The following CSMD1 variants were observed in gnomAD, a reference collection of about 807,000 sequenced individuals.
CSMD1 encodes CUB and sushi domain-containing protein 1.
A neutral mutation model predicts 417.5 loss-of-function variants in CSMD1; 213 were observed. The ratio of observed to expected loss-of-function variants is 0.51; its 90% CI spans 0.46 to 0.57. The LOEUF is 0.57. CSMD1 is among the 20% of genes least tolerant of loss of function. The pLI is 0.00. For missense variants in CSMD1, 6,923 were observed against 4,529.7 expected, an observed-to-expected ratio of 1.53 and a Z score of -15.17; for synonymous variants, 2,862 against 1,736.8, an observed-to-expected ratio of 1.65 and a Z score of -16.11.
intron 2 of CSMD1, among the ~76,000 whole-genome samples, chr8:4,561,723 A>T (rs1409863050): frequency 6.6e-6 from 1 of 152,194 alleles, no homozygotes; most frequent in South Asian, 2.1e-4. Context: ...AAAGTAAAAG[A>T]AAAAGAGAAC....
chr8:3,450,616 C>T (rs543605142), intron 12 of CSMD1, among the ~76,000 whole-genome samples: 37 of 151,900 alleles, frequency 2.4e-4, no homozygotes, highest in Non-Finnish European at 4.1e-4. Context: ...TTTCCAGCTT[C>T]ATCCATGTCC....
At chr8:4,011,642 T>C (rs542939897) in intron 4 of CSMD1, among the ~76,000 whole-genome samples, 1 of 152,206 alleles carries the variant, frequency 6.6e-6, no homozygotes, top group Non-Finnish European at 1.5e-5. Flanking sequence ...CATCCTTGAA[T>C]TCTTTTCATT....
chr8:4,259,257 A>G (rs1803704873), intron 3 of CSMD1, among the ~76,000 whole-genome samples: 1 of 152,156 alleles, frequency 6.6e-6, no homozygotes, highest in Admixed American at 6.5e-5. Context: ...CTTTTCCTAA[A>G]CAAGCAACCC....
intron 2 of CSMD1, among the ~76,000 whole-genome samples, chr8:4,442,311 C>T (rs1798530988): frequency 6.6e-6 from 1 of 152,056 alleles, no homozygotes; most frequent in African/African-American, 2.4e-5. Context: ...AAGAAATGAA[C>T]ACAAAGTATA....
At chr8:4,536,103 C>A (rs1254706188) in intron 2 of CSMD1, among the ~76,000 whole-genome samples, 2 of 152,124 alleles carry the variant, frequency 1.3e-5, no homozygotes, top group African/African-American at 4.8e-5. Flanking sequence ...ATCTGATTAC[C>A]ATGTTCAAGA....
chr8:3,439,311 T>TATATATATATATATA (rs1563390619), intron 12 of CSMD1, among the ~76,000 whole-genome samples: 12 of 36,294 alleles, frequency 3.3e-4, no homozygotes, highest in South Asian at 3.2e-3. Flanking sequence ...ATATATATAT[T>TATATATATATATATA]TTTTTTTTTA....
At chr8:3,108,313 A>T (rs1306612641) in intron 44 of CSMD1, among the ~76,000 whole-genome samples, 1 of 152,202 alleles carries the variant, frequency 6.6e-6, no homozygotes, top group African/African-American at 2.4e-5. Context: ...TGAGACAGGG[A>T]TGAGTAAATC....
chr8:4,372,451 C>T (rs1171512147), intron 3 of CSMD1, among the ~76,000 whole-genome samples: 6 of 151,566 alleles, frequency 4.0e-5, no homozygotes, highest in Non-Finnish European at 5.9e-5. Flanking sequence ...TTAGTGAACT[C>T]AATTCAAGGG....
At chr8:4,325,461 C>T (rs566591694) in intron 3 of CSMD1, among the ~76,000 whole-genome samples, 1 of 152,260 alleles carries the variant, frequency 6.6e-6, no homozygotes, top group African/African-American at 2.4e-5. Flanking sequence ...ATGTAAGAAT[C>T]GTCTACTTTC....
intron 6 of CSMD1, among the ~76,000 whole-genome samples, chr8:3,731,009 T>C (rs2407038): frequency 5.9e-5 from 9 of 152,148 alleles, no homozygotes; most frequent in South Asian, 2.1e-4. Flanking sequence ...TAAAAGTGAA[T>C]TGAACCTACA....
At chr8:4,140,930 T>A (rs1803751580) in intron 3 of CSMD1, among the ~76,000 whole-genome samples, 1 of 151,112 alleles carries the variant, frequency 6.6e-6, no homozygotes, top group Non-Finnish European at 1.5e-5. Context: ...AACAAAAACT[T>A]CAACACCAAC....
At chr8:4,083,986 C>G (rs867792932) in intron 3 of CSMD1, among the ~76,000 whole-genome samples, 1 of 151,904 alleles carries the variant, frequency 6.6e-6, no homozygotes. Flanking sequence ...TGAACTCAAA[C>G]AAATTTACAA....
chr8:3,914,619 T>C (rs1808689496), intron 5 of CSMD1, among the ~76,000 whole-genome samples: 1 of 152,206 alleles, frequency 6.6e-6, no homozygotes, highest in Non-Finnish European at 1.5e-5. Flanking sequence ...TAGCATTAAA[T>C]GAAACTCTTT....
intron 37 of CSMD1, among the ~76,000 whole-genome samples, chr8:3,165,596 T>G (rs2129041649): frequency 6.6e-6 from 1 of 152,122 alleles, no homozygotes; most frequent in Non-Finnish European, 1.5e-5. Context: ...CACGCCCGGC[T>G]AATTTTTTTA....
At chr8:3,787,409 G>A (rs932460779) in intron 5 of CSMD1, among the ~76,000 whole-genome samples, 1 of 151,940 alleles carries the variant, frequency 6.6e-6, no homozygotes, top group Non-Finnish European at 1.5e-5. Flanking sequence ...CCTGTTTTGT[G>A]GGAAATTCAT....
chr8:2,949,479 T>C (rs1340726460), intron 67 of CSMD1, 93 bp from the exon 68 acceptor site: 2 of 601,280 alleles, frequency 3.3e-6, no homozygotes, highest in African/African-American at 3.8e-5. Context: ...ACAACTGTTA[T>C]ATCTCATATT....
intron 65 of CSMD1, among the ~76,000 whole-genome samples, chr8:2,953,967 G>A (rs1360225838): frequency 2.0e-5 from 3 of 152,260 alleles, no homozygotes; most frequent in Non-Finnish European, 2.9e-5. Context: ...AAATGCCGAA[G>A]GCAAGTTTGA....
At chr8:3,820,108 A>G (rs1280144713) in intron 5 of CSMD1, among the ~76,000 whole-genome samples, 1 of 152,190 alleles carries the variant, frequency 6.6e-6, no homozygotes, top group Non-Finnish European at 1.5e-5. Flanking sequence ...GGACAGATGC[A>G]CTGCTTGAAT....
chr8:3,251,203 C>T (rs533171324), intron 26 of CSMD1, among the ~76,000 whole-genome samples: 2 of 152,122 alleles, frequency 1.3e-5, no homozygotes, highest in Non-Finnish European at 2.9e-5. Flanking sequence ...TTAGGTCTAA[C>T]ATTTAAGTCT....
Sources: gnomAD v4.1 joint callset for allele counts (sites outside exome capture counted in the v4.1 genomes callset) on GRCh38, gnomAD v4.1.1 for gene constraint, MANE v1.5 for transcripts, NCBI Gene and HGNC (gene_info 2026-07-23, HGNC 2026-07-21) for gene names.